Variants in FAM204A observed in about 807,000 individuals in gnomAD.
FAM204A encodes protein FAM204A.
FAM204A carries 16 observed loss-of-function variants against 35.4 expected under a neutral mutation model. That is an observed-to-expected ratio of 0.45 (90% CI 0.31 to 0.69). The LOEUF (loss-of-function observed/expected upper bound fraction) is 0.69. Ranked by LOEUF, FAM204A falls within the 30% of genes least tolerant of loss-of-function variation. The pLI, the probability that FAM204A is intolerant of heterozygous loss-of-function variation, is 0.07. For synonymous variants in FAM204A, 76 were observed against 86.9 expected (o/e 0.88, Z 0.70); for missense variants, 240 against 265.7 (o/e 0.90, Z 0.67).
chr10:118,311,582 A>T (rs2133263853), intron 7 of FAM204A: 1 of 312,122 alleles, frequency 3.2e-6, no homozygotes, highest in East Asian at 6.3e-5. Context: ...CCACAAAGGT[A>T]GTAATGAGGA....
rs1032860526 is a variant in FAM204A, at chr10:118,306,699, G to A, written c.*4158C>T. ...ACACCTCCAGAATACTCACTATTGA[G>A]TAGGAGATAATAAAGAGACAACACA... On this transcript the variant is annotated 3_prime_UTR_variant, in exon 9 of 9. Transcript: ENST00000369183. The A allele has an allele frequency of 8.5e-5, 13 of 152,196 alleles. No homozygotes were observed. Among genetic ancestry groups the A allele is most frequent in the African/African-American group, 2.7e-4 (11 of 41,452 alleles). 9.4% of individuals were successfully genotyped at this position (152,196 alleles called of 1,614,324 possible).
intron 7 of FAM204A, among the ~76,000 whole-genome samples, chr10:118,323,762 T>C (rs977347467): frequency 6.6e-6 from 1 of 152,096 alleles, no homozygotes; most frequent in Non-Finnish European, 1.5e-5. Context: ...AATTTTGCTA[T>C]ACTTTCAAGT....
In FAM204A at chr10:118,299,398, T is replaced by TTTTTTG. The variant is rs1845783854; in HGVS notation, c.*11458_*11459insCAAAAA. The TTTTTTG allele has an allele frequency of 1.4e-5, 2 of 144,304 alleles. 1 individual carries two copies. Among genetic ancestry groups the TTTTTTG allele is most frequent in the African/African-American group, 5.3e-5 (2 of 37,582 alleles). 8.9% of individuals were successfully genotyped at this position (144,304 alleles called of 1,614,324 possible). A position where few individuals can be genotyped will look rare whatever the true frequency, so the allele number is the denominator to read the frequency against. On this transcript the variant is annotated 3_prime_UTR_variant, in exon 9 of 9. Transcript: ENST00000369183. ...CCTTTCTGCTTCCAGAAGGTTTTTTTTTTTTTTTTTTTTTTGAGACAGGGT... is the reference window on the plus strand; with the variant it reads ...CCTTTCTGCTTCCAGAAGGTTTTTTTTTTTTGTTTTTTTTTTTTTTTGAGACAGGGT...
intron 6 of FAM204A, among the ~76,000 whole-genome samples, chr10:118,331,517 A>G (rs938846617): frequency 1.3e-5 from 2 of 152,214 alleles, no homozygotes; most frequent in Non-Finnish European, 2.9e-5. Context: ...ATATCTAAGA[A>G]ATGTATGGGT....
rs1845773027 is a variant in FAM204A at position 118,298,468 on chromosome 10, T to G, written c.*12389A>C. 1 of 152,210 alleles carries G rather than the reference T, an allele frequency of 6.6e-6. No homozygotes were observed. Among genetic ancestry groups the G allele is most frequent in the Admixed American group, 6.5e-5 (1 of 15,286 alleles). 9.4% of individuals were successfully genotyped at this position (152,210 alleles called of 1,614,324 possible). On this transcript the variant is annotated 3_prime_UTR_variant, in exon 9 of 9. Coordinates refer to ENST00000369183, the MANE Select transcript of FAM204A (RefSeq NM_022063.3). ...TTCATTTTTATGTGTCAGAAAGCGTTCCTTGCATAAACAGGTGTTATTTCC... is the reference window on the plus strand; with the variant it reads ...TTCATTTTTATGTGTCAGAAAGCGTGCCTTGCATAAACAGGTGTTATTTCC...
intron 7 of FAM204A, among the ~76,000 whole-genome samples, chr10:118,325,193 G>T (rs1441255885): frequency 6.6e-6 from 1 of 151,900 alleles, no homozygotes; most frequent in Non-Finnish European, 1.5e-5. Context: ...AACGAAAAAC[G>T]CAAAAATCAC....
intron 7 of FAM204A, among the ~76,000 whole-genome samples, chr10:118,319,963 A>C (rs557113028): frequency 6.6e-6 from 1 of 152,110 alleles, no homozygotes; most frequent in African/African-American, 2.4e-5. Context: ...AATGAAATTC[A>C]TAGGCAACCT....
At chr10:118,320,193 A>G (rs1421149385) in intron 7 of FAM204A, among the ~76,000 whole-genome samples, 3 of 95,938 alleles carry the variant, frequency 3.1e-5, no homozygotes, top group Non-Finnish European at 7.2e-5. Context: ...CTACTTTAAC[A>G]TTATTAACTT....
intron 7 of FAM204A, among the ~76,000 whole-genome samples, chr10:118,318,367 T>C (rs1846062232): frequency 6.6e-6 from 1 of 152,076 alleles, no homozygotes; most frequent in Non-Finnish European, 1.5e-5. Flanking sequence ...ATATTCGTCA[T>C]ACACATCCCT....
In FAM204A at chr10:118,330,417, A is replaced by T. The variant is rs1846271372; in HGVS notation, c.454-4174T>A. On this transcript the variant is annotated intron_variant, in intron 6 of 8. Transcript: ENST00000369183. ...CCCAGCCATTAAGATCATAATCTAA[A>T]GGTAATAGCATATTACAGTGGAAAG... Among the ~76,000 whole-genome samples, 3 of 152,312 alleles carry T rather than the reference A, an allele frequency of 2.0e-5. No individual in the cohort carries two copies. The South Asian group carries it at 6.2e-4, about 32-fold the overall frequency.
intron 7 of FAM204A, among the ~76,000 whole-genome samples, chr10:118,315,922 G>A (rs1015842261): frequency 5.3e-5 from 8 of 152,142 alleles, no homozygotes; most frequent in Admixed American, 5.2e-4. Flanking sequence ...ACGGGTGACA[G>A]CTCCTCATTT....
At chr10:118,329,771 A>G (rs1846261764) in intron 6 of FAM204A, among the ~76,000 whole-genome samples, 1 of 152,120 alleles carries the variant, frequency 6.6e-6, no homozygotes, top group Non-Finnish European at 1.5e-5. Context: ...CATAGAAGAC[A>G]TTTGTTCAGT....
chr10:118,336,453 T>C, intron 2 of FAM204A, 30 bp from the exon 3 acceptor site: 1 of 1,547,976 alleles, frequency 6.5e-7, no homozygotes, highest in South Asian at 1.2e-5. Flanking sequence ...TTTACACATG[T>C]AGAATAACCA....
chr10:118,318,617 T>C (rs909303452), intron 7 of FAM204A, among the ~76,000 whole-genome samples: 1 of 152,014 alleles, frequency 6.6e-6, no homozygotes, highest in Non-Finnish European at 1.5e-5. Flanking sequence ...CCGCTCAGCT[T>C]TGTATCTGAG....
chr10:118,311,761 C>G (rs1230617134), intron 7 of FAM204A, among the ~76,000 whole-genome samples: 1 of 152,302 alleles, frequency 6.6e-6, no homozygotes, highest in East Asian at 1.9e-4. Context: ...TTGGCAGTCA[C>G]AGATGTGATT....
At chr10:118,318,309 T>C (rs761897413) in intron 7 of FAM204A, among the ~76,000 whole-genome samples, 19 of 152,152 alleles carry the variant, frequency 1.2e-4, no homozygotes, top group Middle Eastern at 6.8e-3. Flanking sequence ...TATGAAATAA[T>C]CATTTAAACA....
intron 7 of FAM204A, among the ~76,000 whole-genome samples, chr10:118,321,001 C>A (rs1364788276): frequency 1.3e-5 from 2 of 151,038 alleles, no homozygotes; most frequent in African/African-American, 2.4e-5. Context: ...CCATTGGTTT[C>A]ATAGGTTTAT....
In FAM204A at chr10:118,311,250, C is replaced by T. The variant is rs1262184717; in HGVS notation, c.607G>A (p.Glu203Lys). ...HNFVKAKKEVENSQAARKKKK... is the reference protein window; with the variant it reads ...HNFVKAKKEVKNSQAARKKKK... ...TTTTTTCGGGCAGCCTGTGAATTTT[C>T]AACCTCCTTTTTGGCTTTTACAAAG... The change falls in exon 8 of 9, where the codon GAA (glutamate) becomes AAA (lysine). Residue 203 changes from glutamate to lysine, a missense_variant. Glu to Lys is a moderately conservative substitution (Grantham distance 56). This residue lies in a region of FAM204A where 232 missense variants were observed against 242.8 expected (regional missense o/e 0.96). Transcript: ENST00000369183. The T allele has an allele frequency of 1.2e-6, 2 of 1,611,896 alleles. No individual in the cohort carries two copies. Among genetic ancestry groups the T allele is most frequent in the Non-Finnish European group, 1.7e-6 (2 of 1,179,562 alleles).
chr10:118,317,420 A>T (rs1052815056), intron 7 of FAM204A, among the ~76,000 whole-genome samples: 5 of 152,068 alleles, frequency 3.3e-5, no homozygotes, highest in South Asian at 4.1e-4. Context: ...TCTTTTTTTA[A>T]GGTTAGTTAA....
Sources: gnomAD v4.1 joint callset for allele counts (sites outside exome capture counted in the v4.1 genomes callset) on GRCh38, gnomAD v4.1.1 for gene constraint, gnomAD v4.1.1 regional missense constraint, MANE v1.5 for transcripts, NCBI Gene and HGNC (gene_info 2026-07-23, HGNC 2026-07-21) for gene names.